The following DLGAP2 variants were observed in gnomAD, a reference collection of about 807,000 sequenced individuals.
The protein encoded by DLGAP2 is DLG associated protein 2.
DLGAP2 carries 26 observed loss-of-function variants against 100.3 expected under a neutral mutation model. That is an observed-to-expected ratio of 0.26 (90% confidence interval 0.19 to 0.36). The LOEUF is 0.36. DLGAP2 is among the 10% of genes least tolerant of loss of function. DLGAP2 has a pLI of 1.00. For synonymous variants in DLGAP2, 886 were observed against 630.1 expected, an observed-to-expected ratio of 1.41 and a Z score of -6.08; for missense variants, 1,858 against 1,453.2, an observed-to-expected ratio of 1.28 and a Z score of -4.53.
At chr8:1,527,854 A>G (rs1800844033) in intron 4 of DLGAP2, among the ~76,000 whole-genome samples, 1 of 151,708 alleles carries the variant, frequency 6.6e-6, no homozygotes, top group Non-Finnish European at 1.5e-5. Context: ...CCCATTTTTA[A>G]TATTTTCTGT....
At chr8:795,480 T>G (rs557845105) in intron 1 of DLGAP2, among the ~76,000 whole-genome samples, 1 of 152,152 alleles carries the variant, frequency 6.6e-6, no homozygotes, top group Non-Finnish European at 1.5e-5. Context: ...AGCATGAAAA[T>G]GCACCAAATC....
At chr8:1,188,776 C>T (rs529191963) in intron 2 of DLGAP2, among the ~76,000 whole-genome samples, 4 of 152,328 alleles carry the variant, frequency 2.6e-5, no homozygotes, top group East Asian at 3.9e-4. Context: ...TCCTGTTACA[C>T]GCTGAACAAA....
chr8:1,477,091 C>G (rs962166971), intron 3 of DLGAP2, among the ~76,000 whole-genome samples: 4 of 152,254 alleles, frequency 2.6e-5, no homozygotes, highest in African/African-American at 9.6e-5. Flanking sequence ...GTCACTGCCG[C>G]AGGCACTGCA....
At chr8:1,492,922 A>G (rs1308850910) in intron 3 of DLGAP2, among the ~76,000 whole-genome samples, 1 of 152,030 alleles carries the variant, frequency 6.6e-6, no homozygotes, top group African/African-American at 2.4e-5. Flanking sequence ...GTACATGTCA[A>G]CCCGCCCTCC....
chr8:1,075,963 G>C (rs998052915), intron 2 of DLGAP2, among the ~76,000 whole-genome samples: 1 of 152,156 alleles, frequency 6.6e-6, no homozygotes, highest in Non-Finnish European at 1.5e-5. Flanking sequence ...GTCTGGGCCT[G>C]AGTTCTTAAT....
At chr8:1,641,497 G>A (rs1797897711) in intron 8 of DLGAP2, among the ~76,000 whole-genome samples, 1 of 152,166 alleles carries the variant, frequency 6.6e-6, no homozygotes, top group African/African-American at 2.4e-5. Context: ...AACTTGTCTA[G>A]ACGAATTAAT....
chr8:1,506,622 G>C (rs73540655), intron 4 of DLGAP2, among the ~76,000 whole-genome samples: 9,284 of 152,214 alleles, frequency 0.061, 964 homozygotes, highest in African/African-American at 0.21. Context: ...GCCAGTGCCG[G>C]CTCAGGCAGA....
At chr8:1,083,822 C>G (rs1252891573) in intron 2 of DLGAP2, among the ~76,000 whole-genome samples, 1 of 152,132 alleles carries the variant, frequency 6.6e-6, no homozygotes, top group Non-Finnish European at 1.5e-5. Flanking sequence ...AAAAAAGAGT[C>G]TTATTTTGCA....
At position 737,657 on chromosome 8, in the gene DLGAP2, G is replaced by C. The variant is rs1231075650; in HGVS notation, c.-151G>C. ...CGACCGTGCGCCGGGCTCGAGCGCGGTCTGAGCGCGCGGCGCCTGCGGCGG... is the reference window on the plus strand; with the variant it reads ...CGACCGTGCGCCGGGCTCGAGCGCGCTCTGAGCGCGCGGCGCCTGCGGCGG... On this transcript the variant is annotated 5_prime_UTR_variant, in exon 1 of 15. Coordinates refer to ENST00000637795, the MANE Select transcript of DLGAP2 (RefSeq NM_001346810.2). The C allele has an allele frequency of 2.8e-6, 1 of 356,310 alleles. No individual in the cohort carries two copies. Among genetic ancestry groups the C allele is most frequent in the African/African-American group, 2.1e-5 (1 of 46,702 alleles). 22.1% of individuals were successfully genotyped at this position (356,310 alleles called of 1,614,324 possible).
At chr8:1,335,663 G>A (rs1290022399) in intron 3 of DLGAP2, among the ~76,000 whole-genome samples, 2 of 152,170 alleles carry the variant, frequency 1.3e-5, no homozygotes, top group Admixed American at 6.5e-5. Context: ...ATGGATGGAG[G>A]AAAAGTCGAG....
At chr8:1,240,153 T>C (rs62487810) in intron 2 of DLGAP2, among the ~76,000 whole-genome samples, 126,546 of 146,620 alleles carry the variant, frequency 0.86, 54,696 homozygotes, top group Middle Eastern at 0.94. Flanking sequence ...TTCTCTCTCA[T>C]ACATAGTGTC....
At chr8:784,736 C>T (rs11777651) in intron 1 of DLGAP2, among the ~76,000 whole-genome samples, 37,402 of 152,154 alleles carry the variant, frequency 0.25, 5,622 homozygotes, top group African/African-American at 0.42. Context: ...AAAGACCACA[C>T]GGGCCCATGC....
intron 3 of DLGAP2, chr8:1,301,000 G>C (rs1272397851): frequency 1.3e-5 from 2 of 152,310 alleles, no homozygotes; most frequent in African/African-American, 2.4e-5. Flanking sequence ...ACCCTCACAT[G>C]CGGAACGCGT....
Position 1,418,977 on chromosome 8 carries a change from G to A in DLGAP2, c.107-82389G>A, listed in dbSNP as rs185210881. Reference sequence around the variant, plus strand: ...TTGTGTTTACCCACACTATGTAAATGCTCCCACTCAGGCACAGCCGAACGA... The same window carrying A: ...TTGTGTTTACCCACACTATGTAAATACTCCCACTCAGGCACAGCCGAACGA... On this transcript the variant is annotated intron_variant, in intron 3 of 14. Coordinates refer to ENST00000637795, the MANE Select transcript of DLGAP2 (RefSeq NM_001346810.2). 3.3e-5 allele frequency among the ~76,000 whole-genome samples: 5 copies of A among 152,334 alleles called. No individual in the cohort carries two copies. The East Asian group carries it at 9.6e-4, about 29-fold the overall frequency.
intron 3 of DLGAP2, among the ~76,000 whole-genome samples, chr8:1,376,900 C>G (rs907353587): frequency 6.6e-6 from 1 of 152,202 alleles, no homozygotes; most frequent in Non-Finnish European, 1.5e-5. Context: ...AGGCCCACAT[C>G]GAAGGATTTG....
In DLGAP2 at chr8:1,143,273, C is replaced by T. The variant is rs147344339; in HGVS notation, c.74-115578C>T. On this transcript the variant is annotated intron_variant, in intron 2 of 14. Transcript: ENST00000637795. ...AAGTTCCACAAACTGACGTGAATGA[C>T]GCACTGAAACATAGACATCCTAAGC... Among the ~76,000 whole-genome samples, 394 of 152,296 alleles carry T rather than the reference C, an allele frequency of 2.6e-3. 1 individual carries two copies. Among genetic ancestry groups the T allele is most frequent in the African/African-American group, 8.9e-3 (371 of 41,568 alleles).
At chr8:1,241,218 C>A (rs1798788039) in intron 2 of DLGAP2, among the ~76,000 whole-genome samples, 1 of 60,962 alleles carries the variant, frequency 1.6e-5, no homozygotes, top group Non-Finnish European at 4.4e-5. Flanking sequence ...CTAATTCTCT[C>A]ACATGGCGCC....
intron 1 of DLGAP2, among the ~76,000 whole-genome samples, chr8:791,902 C>G (rs1312055268): frequency 6.6e-6 from 1 of 152,152 alleles, no homozygotes; most frequent in African/African-American, 2.4e-5. Context: ...TTGCACACCC[C>G]ATTGGAGTTA....
At chr8:1,124,012 T>C (rs1796108517) in intron 2 of DLGAP2, among the ~76,000 whole-genome samples, 1 of 137,898 alleles carries the variant, frequency 7.3e-6, no homozygotes, top group Non-Finnish European at 1.7e-5. Flanking sequence ...GAGAGCGTGG[T>C]ATTCTTAAAA....
Sources: gnomAD v4.1 joint callset for allele counts (sites outside exome capture counted in the v4.1 genomes callset) on GRCh38, gnomAD v4.1.1 for gene constraint, MANE v1.5 for transcripts, NCBI Gene and HGNC (gene_info 2026-07-23, HGNC 2026-07-21) for gene names.